PPARA: variants seen among roughly 807,000 people sequenced by gnomAD.
PPARA encodes peroxisome proliferator activated receptor alpha, also known as peroxisome proliferator-activated receptor alpha.
Under a neutral mutation model 42.2 loss-of-function variants are expected in PPARA, and 22 were observed. That is an observed-to-expected ratio of 0.52 (90% confidence interval 0.37 to 0.74). PPARA has a LOEUF of 0.74. Among genes scored for constraint, PPARA ranks in the 30% least tolerant of loss-of-function variants. The pLI is 0.00. For synonymous variants in PPARA, 242 were observed against 239.3 expected, an observed-to-expected ratio of 1.01 and a Z score of -0.10; for missense variants, 465 against 608.2, an observed-to-expected ratio of 0.76 and a Z score of 2.48.
At position 46,218,337 on chromosome 22, in the gene PPARA, G is replaced by T; in HGVS notation, c.444G>T (p.Lys148Asn). The change falls in exon 6 of 9, where the codon AAG becomes AAT. Residue 148 changes from lysine (K) to asparagine (N), a missense_variant. This residue lies in a region of PPARA where 313 missense variants were observed against 469.1 expected (regional missense o/e 0.67). Coordinates refer to ENST00000407236, the MANE Select transcript of PPARA (RefSeq NM_005036.6). ...ACCGCAGCTGCAAGATCCAGAAAAA[G>T]AACAGAAACAAATGCCAGTATTGTC... is the stretch of plus-strand genomic sequence containing the variant. ...KCDRSCKIQK[K>N]NRNKCQYCRF... is the part of the protein sequence containing the mutation. 6.2e-7 allele frequency: 1 copy of T among 1,614,032 alleles called. No homozygotes were observed. Among genetic ancestry groups the T allele is most frequent in the Non-Finnish European group, 8.5e-7 (1 of 1,180,012 alleles).
In PPARA at chr22:46,218,373, G is replaced by C; in HGVS notation, c.480G>C (p.Lys160Asn). ...AATGCCAGTATTGTCGATTTCACAA[G>C]TGCCTTTCTGTCGGGATGTCACACA... Reference protein sequence around the residue: ...RNKCQYCRFHKCLSVGMSHNA... With the variant: ...RNKCQYCRFHNCLSVGMSHNA... Residue 160 changes from lysine to asparagine, a missense_variant, in exon 6 of 9, where the codon AAG becomes AAC. Lys to Asn is a moderately conservative substitution (Grantham distance 94). Coordinates refer to ENST00000407236, the MANE Select transcript of PPARA (RefSeq NM_005036.6). 1 of 1,614,134 alleles carries C rather than the reference G, an allele frequency of 6.2e-7. No homozygotes were observed. Among genetic ancestry groups the C allele is most frequent in the Non-Finnish European group, 8.5e-7 (1 of 1,180,026 alleles).
At chr22:46,154,121 C>G (rs1479716699) in intron 2 of PPARA, among the ~76,000 whole-genome samples, 2 of 152,142 alleles carry the variant, frequency 1.3e-5, no homozygotes, top group Non-Finnish European at 2.9e-5. Context: ...CTGCTGTGGG[C>G]TACTGTCCGC....
At chr22:46,169,530 G>C (rs994352456) in intron 2 of PPARA, among the ~76,000 whole-genome samples, 1 of 151,794 alleles carries the variant, frequency 6.6e-6, no homozygotes, top group African/African-American at 2.4e-5. Flanking sequence ...CATCACGCCC[G>C]GCCACCAATG....
rs1249792090 is a variant in PPARA at position 46,227,745 on chromosome 22, A to G, written c.712-4047A>G. 6.6e-6 allele frequency among the ~76,000 whole-genome samples: 1 copy of G among 152,202 alleles called. No individual in the cohort carries two copies. The highest frequency in any genetic ancestry group is 1.5e-5 in the Non-Finnish European group (1 of 68,044). On this transcript the variant is annotated intron_variant, in intron 7 of 8. Transcript: ENST00000407236. This position sits in a 1 kb window ranked among gnomAD's most constrained non-coding sequence, Gnocchi z 4.3. ...CTGCCTCACGCTGTTTAAAACCTTT[A>G]TAATGTGCTTTATTTCATTTATTTG...
chr22:46,155,087 T>A (rs2147097554), intron 2 of PPARA: 1 of 151,710 alleles, frequency 6.6e-6, no homozygotes, highest in South Asian at 2.1e-4. Context: ...TGCCAATTTT[T>A]CTTCTCTTTT....
In PPARA at chr22:46,204,518, T is replaced by C. The variant is rs1305592804; in HGVS notation, c.208+5927T>C. On this transcript the variant is annotated intron_variant, in intron 4 of 8. Transcript: ENST00000407236. This position sits in a 1 kb window ranked among gnomAD's most constrained non-coding sequence, Gnocchi z 5.2. ...GGGGAGTTCCAGTTCCTCCATACCC[T>C]CATCAACATGAGGCATGATCAGTCT... 6.6e-6 allele frequency among the ~76,000 whole-genome samples: 1 copy of C among 152,204 alleles called. No individual in the cohort carries two copies. Among genetic ancestry groups the C allele is most frequent in the Non-Finnish European group, 1.5e-5 (1 of 68,030 alleles).
At chr22:46,153,459 G>A (rs759069444) in intron 2 of PPARA, among the ~76,000 whole-genome samples, 23 of 152,028 alleles carry the variant, frequency 1.5e-4, no homozygotes, top group Non-Finnish European at 1.0e-4. Context: ...GCGAGCCACC[G>A]CGCCGGGCCC....
chr22:46,196,610 C>G lies in PPARA; in HGVS notation c.-42-1732C>G, dbSNP rs1032321105. Among the ~76,000 whole-genome samples, 1 of 152,216 alleles carries G rather than the reference C, an allele frequency of 6.6e-6. No individual in the cohort carries two copies. On this transcript the variant is annotated intron_variant, in intron 3 of 8. Coordinates refer to ENST00000407236, the MANE Select transcript of PPARA (RefSeq NM_005036.6). The surrounding 1 kb of genome is among the most constrained non-coding windows in gnomAD (Gnocchi z 5.6). ...ATCTCCTGCCCCCTAATCAGTGAGG[C>G]CTTCCCTGGCCTCACCCCGGACACT... is the stretch of plus-strand genomic sequence containing the variant.
intron 7 of PPARA, among the ~76,000 whole-genome samples, chr22:46,226,717 T>A (rs1384616138): frequency 6.6e-6 from 1 of 152,048 alleles, no homozygotes; most frequent in Non-Finnish European, 1.5e-5. Context: ...ACCTCCTCTA[T>A]GAAAAGTTAG....
chr22:46,215,304 T>TA lies in PPARA; in HGVS notation c.341dup (p.Tyr114Ter). The change falls in exon 5 of 9, where the codon TAC becomes TAAC. Residue 114 changes from tyrosine to a stop codon, truncating the protein, a stop_gained and frameshift_variant. Transcript: ENST00000407236. LOFTEE classifies it high-confidence loss of function. Reference protein sequence around the residue: ...ICGDKASGYHYGVHACEGCKG... With the variant: ...ICGDKASGYH ...CGGGGACAAGGCCTCAGGCTATCAT[T>TA]ACGGAGTCCACGCGTGTGAAGGCTG... is the stretch of plus-strand genomic sequence containing the variant. 1 of 1,614,148 alleles carries TA rather than the reference T, an allele frequency of 6.2e-7. No individual in the cohort carries two copies.
At position 46,232,021 on chromosome 22, in the gene PPARA, A is replaced by T; in HGVS notation, c.941A>T (p.Tyr314Phe). Residue 314 changes from tyrosine (Y) to phenylalanine (F), a missense_variant, in exon 8 of 9, where the codon TAT (tyrosine) becomes TTT (phenylalanine). Physicochemically the swap from Tyr to Phe is conservative, Grantham distance 22. This residue lies in a region of PPARA where 313 missense variants were observed against 469.1 expected (regional missense o/e 0.67). Transcript: ENST00000407236. The surrounding 1 kb of genome is among the most constrained non-coding windows in gnomAD (Gnocchi z 5.3). ...DQVTLLKYGVYEAIFAMLSSV... is the reference protein window; with the variant it reads ...DQVTLLKYGVFEAIFAMLSSV... ...GTGACATTGCTAAAATACGGAGTTT[A>T]TGAGGCCATATTCGCCATGCTGTCT... is the stretch of plus-strand genomic sequence containing the variant. 1 of 1,614,230 alleles carries T rather than the reference A, an allele frequency of 6.2e-7. No homozygotes were observed.
chr22:46,177,022 A>G (rs747345393), intron 3 of PPARA, among the ~76,000 whole-genome samples, 186 bp downstream of exon 3: 129 of 152,318 alleles, frequency 8.5e-4, no homozygotes, highest in Middle Eastern at 3.4e-3. Context: ...CATCCTGGCT[A>G]ACACAGTGAA....
rs976382829 is a variant in PPARA, at chr22:46,180,720, A to G, written c.-43+3884A>G. ...GCTCTGACTTTCTGGATGCAAGTCC[A>G]CTGAGCCAGTGTACACCTTAAATAA... is the stretch of plus-strand genomic sequence containing the variant. On this transcript the variant is annotated intron_variant, in intron 3 of 8. Coordinates refer to ENST00000407236, the MANE Select transcript of PPARA (RefSeq NM_005036.6). This position sits in a 1 kb window ranked among gnomAD's most constrained non-coding sequence, Gnocchi z 4.2. 6.6e-6 allele frequency among the ~76,000 whole-genome samples: 1 copy of G among 152,190 alleles called. No individual in the cohort carries two copies. The highest frequency in any genetic ancestry group is 2.4e-5 in the African/African-American group (1 of 41,430).
chr22:46,233,887 G>A lies in PPARA; in HGVS notation c.1160-1246G>A, dbSNP rs996876394. The stretch of plus-strand genomic sequence containing the variant: ...CACCCTGGCTGGAGTGCAGTGGCAC[G>A]ATCTCAGGTCACTGCAACTTCCGCC... On this transcript the variant is annotated intron_variant, in intron 8 of 8. Coordinates refer to ENST00000407236, the MANE Select transcript of PPARA (RefSeq NM_005036.6). The surrounding 1 kb of genome is among the most constrained non-coding windows in gnomAD (Gnocchi z 7.3). 9.3e-5 allele frequency among the ~76,000 whole-genome samples: 14 copies of A among 151,196 alleles called. No homozygotes were observed. Among genetic ancestry groups the A allele is most frequent in the African/African-American group, 2.9e-4 (12 of 41,078 alleles).
intron 4 of PPARA, among the ~76,000 whole-genome samples, chr22:46,205,519 C>CATATATATATATATATATATATAT (rs552533545): frequency 8.7e-5 from 3 of 34,432 alleles, no homozygotes; most frequent in African/African-American, 1.2e-4. Flanking sequence ...CATGCCCAGC[C>CATATATATATATATATATATATAT]ATATATATAT....
In PPARA at chr22:46,192,403, G is replaced by A. The variant is rs991984493; in HGVS notation, c.-42-5939G>A. Among the ~76,000 whole-genome samples the A allele has an allele frequency of 6.6e-6, 1 of 152,194 alleles. No individual in the cohort carries two copies. Among genetic ancestry groups the A allele is most frequent in the Non-Finnish European group, 1.5e-5 (1 of 68,036 alleles). On this transcript the variant is annotated intron_variant, in intron 3 of 8. Coordinates refer to ENST00000407236, the MANE Select transcript of PPARA (RefSeq NM_005036.6). The surrounding 1 kb of genome is among the most constrained non-coding windows in gnomAD (Gnocchi z 4.3). ...ACCCTCGTGTTAGTTATGAATTACC[G>A]TTGGAATCCTTCCAGTGTTTGCACC...
chr22:46,163,046 T>C lies in PPARA; in HGVS notation c.-127+11076T>C, dbSNP rs1415188391. Among the ~76,000 whole-genome samples, 1 of 152,060 alleles carries C rather than the reference T, an allele frequency of 6.6e-6. No individual in the cohort carries two copies. The highest frequency in any genetic ancestry group is 1.5e-5 in the Non-Finnish European group (1 of 68,024). ...TCGCATAACTGGCAGACTCCCAGCTTCAAGGAGAGGCACGGAGGGAAACTG... is the reference window on the plus strand; with the variant it reads ...TCGCATAACTGGCAGACTCCCAGCTCCAAGGAGAGGCACGGAGGGAAACTG... On this transcript the variant is annotated intron_variant, in intron 2 of 8. Coordinates refer to ENST00000407236, the MANE Select transcript of PPARA (RefSeq NM_005036.6). This position sits in a 1 kb window ranked among gnomAD's most constrained non-coding sequence, Gnocchi z 4.9.
In PPARA at chr22:46,163,700, G is replaced by A. The variant is rs547714180; in HGVS notation, c.-127+11730G>A. On this transcript the variant is annotated intron_variant, in intron 2 of 8. Coordinates refer to ENST00000407236, the MANE Select transcript of PPARA (RefSeq NM_005036.6). This position sits in a 1 kb window ranked among gnomAD's most constrained non-coding sequence, Gnocchi z 4.9. ...CTTTGCCCAGCCAGGGCGGTGGGGA[G>A]GGAGACAGCCACATCCTGCCCGGGG... The A allele has an allele frequency of 3.2e-4, 49 of 152,384 alleles. No individual in the cohort carries two copies. The highest frequency in any genetic ancestry group is 1.1e-3 in the African/African-American group (47 of 41,592). The allele number at this position is 152,384 out of a possible 1,614,324, so 9.4% of individuals were successfully genotyped here.
chr22:46,169,436 A>G (rs569483198), intron 2 of PPARA, among the ~76,000 whole-genome samples: 5 of 151,804 alleles, frequency 3.3e-5, no homozygotes, highest in South Asian at 2.1e-4. Context: ...GGGTTTCACC[A>G]TGCTAGCCAG....
Sources: gnomAD v4.1 joint callset for allele counts (sites outside exome capture counted in the v4.1 genomes callset) on GRCh38, gnomAD v4.1.1 for gene constraint, gnomAD v4.1.1 regional missense constraint, Gnocchi (gnomAD v3.1) non-coding constraint, MANE v1.5 for transcripts, NCBI Gene and HGNC (gene_info 2026-07-23, HGNC 2026-07-21) for gene names.